MPRIP: variants seen among roughly 807,000 people sequenced by gnomAD.
The protein encoded by MPRIP is myosin phosphatase Rho-interacting protein.
In MPRIP, 59 loss-of-function variants were observed where a neutral mutation model predicts 234.9. That is an observed-to-expected ratio of 0.25 (90% CI 0.20 to 0.31). MPRIP has a LOEUF of 0.31. Among genes scored for constraint, MPRIP ranks in the 10% least tolerant of loss-of-function variants. The probability of loss-of-function intolerance (pLI) is 1.00; values close to 1 mark genes in which losing one functional copy is unlikely to be tolerated. For missense variants in MPRIP, 2,436 were observed against 3,071.0 expected (o/e 0.79, Z 4.89); for synonymous variants, 1,144 against 1,263.9 (o/e 0.91, Z 2.01).
intron 7 of MPRIP, among the ~76,000 whole-genome samples, chr17:17,139,056 G>A (rs887451408): frequency 1.3e-5 from 2 of 152,238 alleles, no homozygotes; most frequent in African/African-American, 4.8e-5. Flanking sequence ...TGACTGGCTG[G>A]AGAGAGAGAA....
chr17:17,130,988 C>T (rs1320928424), intron 4 of MPRIP, among the ~76,000 whole-genome samples: 2 of 152,178 alleles, frequency 1.3e-5, no homozygotes, highest in East Asian at 1.9e-4. Context: ...GATCCAGAGT[C>T]GTCCTGCTGG....
At position 17,081,140 on chromosome 17, in the gene MPRIP, C is replaced by T. The variant is rs536971604; in HGVS notation, c.267+3064C>T. Among the ~76,000 whole-genome samples the T allele has an allele frequency of 1.2e-4, 18 of 152,308 alleles. No individual in the cohort carries two copies. In the South Asian group the frequency reaches 3.7e-3, roughly 32 times the overall value. On this transcript the variant is annotated intron_variant, in intron 3 of 23. Coordinates refer to ENST00000651222, the MANE Select transcript of MPRIP (RefSeq NM_001364716.4). Reference sequence around the variant, plus strand: ...ATAGCATTTTATGGCTGGTCTGTGCCCTCCACACTCAATCAGCATCTATTT... The same window carrying T: ...ATAGCATTTTATGGCTGGTCTGTGCTCTCCACACTCAATCAGCATCTATTT...
At position 17,172,718 on chromosome 17, in the gene MPRIP, G is replaced by A. The variant is rs750993781; in HGVS notation, c.6493G>A (p.Ala2165Thr). Residue 2165 changes from alanine to threonine, a missense_variant, in exon 18 of 24, where the codon GCC becomes ACC. Ala to Thr is a moderately conservative substitution (Grantham distance 58). Coordinates refer to ENST00000651222, the MANE Select transcript of MPRIP (RefSeq NM_001364716.4). ...TISAIEAMKN[A>T]HREEMERELE... ...TGCAGCCATCGAAGCCATGAAGAAC[G>A]CCCACCGGGAGGAAATGGAGCGGGA... The A allele has an allele frequency of 2.5e-6, 4 of 1,611,320 alleles. No individual in the cohort carries two copies. Among genetic ancestry groups the A allele is most frequent in the Non-Finnish European group, 2.5e-6 (3 of 1,179,986 alleles).
chr17:17,126,639 G>A, intron 3 of MPRIP, 63 bp from the exon 4 acceptor site: 4 of 1,547,358 alleles, frequency 2.6e-6, no homozygotes, highest in Non-Finnish European at 3.5e-6. Flanking sequence ...ATGGCCTGGG[G>A]CTGTACGACA....
At chr17:17,080,598 T>A (rs1226028488) in intron 3 of MPRIP, among the ~76,000 whole-genome samples, 1 of 152,198 alleles carries the variant, frequency 6.6e-6, no homozygotes, top group Admixed American at 6.5e-5. Context: ...GGGGCAGGAA[T>A]GCTGCTGGCA....
intron 4 of MPRIP, among the ~76,000 whole-genome samples, chr17:17,128,144 T>C (rs1400071643): frequency 6.6e-6 from 1 of 152,214 alleles, no homozygotes; most frequent in Non-Finnish European, 1.5e-5. Flanking sequence ...TTCTGCACTT[T>C]CTGGCTCACA....
chr17:17,090,709 C>T (rs1025768489), intron 3 of MPRIP, among the ~76,000 whole-genome samples: 7 of 152,178 alleles, frequency 4.6e-5, no homozygotes, highest in African/African-American at 1.7e-4. Context: ...ACTGTGTTTG[C>T]ATTTAATCCT....
At chr17:17,089,337 C>G (rs1239500871) in intron 3 of MPRIP, among the ~76,000 whole-genome samples, 1 of 152,216 alleles carries the variant, frequency 6.6e-6, no homozygotes, top group Non-Finnish European at 1.5e-5. Flanking sequence ...CAGTGGCCAC[C>G]TGCCTTCCTT....
intron 6 of MPRIP, among the ~76,000 whole-genome samples, chr17:17,137,375 G>A (rs546007614): frequency 7.6e-4 from 116 of 152,242 alleles, no homozygotes; most frequent in Admixed American, 1.4e-3. Flanking sequence ...TTAGCCAGAT[G>A]TGGGGGTGCA....
At position 17,192,038 on chromosome 17, in the gene MPRIP, T is replaced by C. The variant is rs549542592; in HGVS notation, c.*7144T>C. The stretch of plus-strand genomic sequence containing the variant: ...ATGATTTTTCTCACAGCTGTGCCCT[T>C]CTGTCAGGGTCAGTGTCAAAATTCG... On this transcript the variant is annotated 3_prime_UTR_variant, in exon 24 of 24. Transcript: ENST00000651222. 1 of 152,264 alleles carries C rather than the reference T, an allele frequency of 6.6e-6. No individual in the cohort carries two copies. The highest frequency in any genetic ancestry group is 2.4e-5 in the African/African-American group (1 of 41,544). The allele number at this position is 152,264 out of a possible 1,614,324, so 9.4% of individuals were successfully genotyped here.
At chr17:17,064,428 A>G (rs112207658) in intron 1 of MPRIP, among the ~76,000 whole-genome samples, 3 of 152,198 alleles carry the variant, frequency 2.0e-5, no homozygotes, top group African/African-American at 7.2e-5. Context: ...CAAATAACAG[A>G]GATCCCATGT....
chr17:17,154,036 G>C (rs1246543453), intron 12 of MPRIP, among the ~76,000 whole-genome samples: 1 of 148,664 alleles, frequency 6.7e-6, no homozygotes, highest in Non-Finnish European at 1.5e-5. Flanking sequence ...GTGCGTAGTG[G>C]GTGCTCAGTA....
chr17:17,062,010 G>A (rs1444071171), intron 1 of MPRIP, among the ~76,000 whole-genome samples: 1 of 151,968 alleles, frequency 6.6e-6, no homozygotes, highest in Admixed American at 6.6e-5. Flanking sequence ...GAAGGAGTAT[G>A]TGTATTTTTC....
chr17:17,152,686 C>T (rs1178554553), intron 12 of MPRIP, among the ~76,000 whole-genome samples: 1 of 152,228 alleles, frequency 6.6e-6, no homozygotes, highest in Non-Finnish European at 1.5e-5. Context: ...GGCGCTGGTC[C>T]AGCCTTTGTG....
chr17:17,073,846 A>T (rs1480299473), intron 1 of MPRIP, among the ~76,000 whole-genome samples: 2 of 151,554 alleles, frequency 1.3e-5, no homozygotes, highest in Non-Finnish European at 2.9e-5. Flanking sequence ...TCCACCACAT[A>T]CTCCTTGGCC....
chr17:17,067,694 T>G (rs914925926), intron 1 of MPRIP, among the ~76,000 whole-genome samples: 6 of 152,088 alleles, frequency 3.9e-5, no homozygotes, highest in Admixed American at 3.9e-4. Flanking sequence ...TAAAAAATTT[T>G]GGGGTTTTGT....
chr17:17,166,061 T>A lies in MPRIP; in HGVS notation c.4470T>A (p.Pro1490=). Residue 1490 remains proline (P), a synonymous_variant, in exon 16 of 24, where the codon CCT becomes CCA. Transcript: ENST00000651222. The surrounding 1 kb of genome is among the most constrained non-coding windows in gnomAD (Gnocchi z 4.4). ...GCCGAGAACAACTGAGATCTCTGCC[T>A]AGGGCCAGCCAGGAGGATGAGCAGG... is the stretch of plus-strand genomic sequence containing the variant. ...ENCREQLRSL[P]RASQEDEQDA... is the part of the protein sequence containing the mutation. 1 of 1,302,090 alleles carries A rather than the reference T, an allele frequency of 7.7e-7. No individual in the cohort carries two copies. The highest frequency in any genetic ancestry group is 1.0e-6 in the Non-Finnish European group (1 of 987,566). 80.7% of individuals were successfully genotyped at this position (1,302,090 alleles called of 1,614,324 possible).
At chr17:17,049,175 C>G (rs2088452840) in intron 1 of MPRIP, among the ~76,000 whole-genome samples, 1 of 152,118 alleles carries the variant, frequency 6.6e-6, no homozygotes, top group Non-Finnish European at 1.5e-5. Context: ...GTTGCCAGAG[C>G]CTGAGGGTTG....
chr17:17,082,307 T>TC (rs1363305674), intron 3 of MPRIP, among the ~76,000 whole-genome samples: 2 of 145,070 alleles, frequency 1.4e-5, no homozygotes, highest in African/African-American at 2.6e-5. Flanking sequence ...TTTTTTTTTT[T>TC]TTTTTGAGAC....
Sources: gnomAD v4.1 joint callset for allele counts (sites outside exome capture counted in the v4.1 genomes callset) on GRCh38, gnomAD v4.1.1 for gene constraint, Gnocchi (gnomAD v3.1) non-coding constraint, MANE v1.5 for transcripts, NCBI Gene and HGNC (gene_info 2026-07-23, HGNC 2026-07-21) for gene names.